Variants in KAZN observed in about 807,000 individuals in gnomAD.
KAZN encodes kazrin.
Under a neutral mutation model 87.4 loss-of-function variants are expected in KAZN, and 40 were observed. The observed-to-expected ratio is 0.46, with a 90% CI of 0.36 to 0.60. KAZN has a LOEUF of 0.60. Among genes scored for constraint, KAZN ranks in the 20% least tolerant of loss-of-function variants. KAZN has a pLI of 0.00. For missense variants in KAZN, 898 were observed against 1,073.9 expected, an observed-to-expected ratio of 0.84 and a Z score of 2.29; for synonymous variants, 466 against 458.3, an observed-to-expected ratio of 1.02 and a Z score of -0.22.
chr1:14,130,869 A>G (rs926517239), intron 1 of KAZN, among the ~76,000 whole-genome samples: 2 of 103,430 alleles, frequency 1.9e-5, no homozygotes, highest in South Asian at 6.8e-4. Flanking sequence ...ATGGCAGGGG[A>G]AACAATGATT....
intron 1 of KAZN, among the ~76,000 whole-genome samples, chr1:13,957,610 C>A (rs568870645): frequency 6.6e-6 from 1 of 152,142 alleles, no homozygotes; most frequent in Non-Finnish European, 1.5e-5. Flanking sequence ...CCTCAGGCTG[C>A]TTCTACTCAT....
At chr1:14,821,082 G>A (rs1646724831) in intron 1 of KAZN, among the ~76,000 whole-genome samples, 1 of 152,168 alleles carries the variant, frequency 6.6e-6, no homozygotes, top group Non-Finnish European at 1.5e-5. Flanking sequence ...CAAAATAGTA[G>A]AGGCTGGAAG....
intron 2 of KAZN, among the ~76,000 whole-genome samples, chr1:14,985,090 C>A (rs754821539): frequency 6.7e-6 from 1 of 150,040 alleles, no homozygotes; most frequent in Admixed American, 6.6e-5. Flanking sequence ...GAGCCAAGAT[C>A]ATGCCACTGC....
chr1:14,370,155 C>T (rs1282938963), intron 2 of KAZN, among the ~76,000 whole-genome samples: 1 of 152,146 alleles, frequency 6.6e-6, no homozygotes, highest in East Asian at 1.9e-4. Flanking sequence ...TGTCTTTCCA[C>T]CCCCAGGAAC....
At chr1:15,086,444 G>C (rs1640261987) in intron 8 of KAZN, among the ~76,000 whole-genome samples, 1 of 152,188 alleles carries the variant, frequency 6.6e-6, no homozygotes, top group South Asian at 2.1e-4. Context: ...TGAAGCACAA[G>C]GGTAAAACAG....
At chr1:14,642,053 A>C (rs1335865534) in intron 1 of KAZN, among the ~76,000 whole-genome samples, 1 of 152,222 alleles carries the variant, frequency 6.6e-6, no homozygotes, top group Non-Finnish European at 1.5e-5. Context: ...ATGGATGACA[A>C]AGAAGCTCGA....
At chr1:14,453,494 G>A (rs902074822) in intron 2 of KAZN, among the ~76,000 whole-genome samples, 1 of 152,158 alleles carries the variant, frequency 6.6e-6, no homozygotes, top group Admixed American at 6.5e-5. Context: ...TAAGACATCT[G>A]GGATACTATG....
At chr1:14,210,268 C>G (rs1646827441) in intron 2 of KAZN, among the ~76,000 whole-genome samples, 1 of 152,202 alleles carries the variant, frequency 6.6e-6, no homozygotes, top group Non-Finnish European at 1.5e-5. Flanking sequence ...CCTGCACATG[C>G]TGTCTTGCCT....
chr1:14,175,732 A>G (rs750525923), intron 1 of KAZN, among the ~76,000 whole-genome samples: 1 of 152,200 alleles, frequency 6.6e-6, no homozygotes, highest in Non-Finnish European at 1.5e-5. Context: ...AGTTTTGTTA[A>G]TAGTAATGTC....
chr1:14,945,016 G>A (rs1439380276), intron 1 of KAZN, among the ~76,000 whole-genome samples: 1 of 152,144 alleles, frequency 6.6e-6, no homozygotes, highest in Non-Finnish European at 1.5e-5. Flanking sequence ...GTACCGCAGG[G>A]GACAGCACCA....
chr1:14,470,506 T>C (rs1668397617), intron 2 of KAZN, among the ~76,000 whole-genome samples: 1 of 152,226 alleles, frequency 6.6e-6, no homozygotes, highest in Non-Finnish European at 1.5e-5. Flanking sequence ...GGCAGTTTTC[T>C]TGGGACAAAA....
At chr1:14,927,240 A>C (rs1257826958) in intron 1 of KAZN, among the ~76,000 whole-genome samples, 3 of 152,210 alleles carry the variant, frequency 2.0e-5, no homozygotes, top group Non-Finnish European at 2.9e-5. Flanking sequence ...TGGGAACAGG[A>C]ATCCGGTTCT....
chr1:14,606,597 A>G (rs1412147052), intron 1 of KAZN, among the ~76,000 whole-genome samples: 1 of 151,922 alleles, frequency 6.6e-6, no homozygotes, highest in African/African-American at 2.4e-5. Context: ...TTCTCCATCC[A>G]TCCCATGTCT....
intron 1 of KAZN, among the ~76,000 whole-genome samples, chr1:13,931,108 T>A (rs921964485): frequency 1.3e-5 from 2 of 152,228 alleles, no homozygotes; most frequent in African/African-American, 4.8e-5. Context: ...CCTTGGTTTT[T>A]CTCCTGATTA....
chr1:14,995,326 C>A (rs1293914991), intron 2 of KAZN, among the ~76,000 whole-genome samples: 1 of 152,198 alleles, frequency 6.6e-6, no homozygotes, highest in Non-Finnish European at 1.5e-5. Context: ...GCTCCAGGGA[C>A]AATCTTCCTG....
At chr1:14,237,627 T>G (rs888014187) in intron 2 of KAZN, among the ~76,000 whole-genome samples, 2 of 151,944 alleles carry the variant, frequency 1.3e-5, no homozygotes, top group Non-Finnish European at 2.9e-5. Context: ...ACAGAATAGG[T>G]TGGTGTAATC....
intron 2 of KAZN, among the ~76,000 whole-genome samples, chr1:14,454,970 G>C (rs926021725): frequency 5.3e-5 from 8 of 152,252 alleles, no homozygotes; most frequent in Middle Eastern, 3.4e-3. Flanking sequence ...CTGAAGGCTT[G>C]ACCAGGGCCA....
chr1:14,646,824 C>A (rs1180792137), intron 1 of KAZN, among the ~76,000 whole-genome samples: 2 of 152,188 alleles, frequency 1.3e-5, no homozygotes, highest in Admixed American at 1.3e-4. Context: ...TTCTCAGAGA[C>A]CCCTTTGCTT....
chr1:14,381,531 T>C (rs1260462568), intron 2 of KAZN, among the ~76,000 whole-genome samples: 1 of 152,120 alleles, frequency 6.6e-6, no homozygotes, highest in Non-Finnish European at 1.5e-5. Flanking sequence ...CACATGCAAA[T>C]CAATTAATCT....
Sources: allele counts gnomAD v4.1 joint callset (sites outside exome capture counted in the v4.1 genomes callset), GRCh38; gene constraint gnomAD v4.1.1; transcripts MANE v1.5; gene names NCBI Gene and HGNC (gene_info 2026-07-23, HGNC 2026-07-21).